Variants in GPM6A observed in about 807,000 individuals in gnomAD.
GPM6A encodes glycoprotein M6A.
In GPM6A, 7 loss-of-function variants were observed where a neutral mutation model predicts 32.1. That is an observed-to-expected ratio of 0.22 (90% confidence interval 0.12 to 0.41). GPM6A has a LOEUF of 0.41. Among genes scored for constraint, GPM6A ranks in the 10% least tolerant of loss-of-function variants. The probability of loss-of-function intolerance (pLI) is 1.00; values close to 1 mark genes in which losing one functional copy is unlikely to be tolerated. For missense variants in GPM6A, 235 were observed against 347.2 expected, an observed-to-expected ratio of 0.68 and a Z score of 2.57; for synonymous variants, 130 against 123.4, an observed-to-expected ratio of 1.05 and a Z score of -0.35.
chr4:175,761,882 C>A (rs113516409), intron 1 of GPM6A, among the ~76,000 whole-genome samples: 50 of 151,888 alleles, frequency 3.3e-4, no homozygotes, highest in Admixed American at 9.8e-4. Context: ...CCAACCTTTG[C>A]CTCCCAGGTT....
rs187203674 is a variant in GPM6A at position 175,768,498 on chromosome 4, G to A, written c.37+43693C>T. 4.3e-4 allele frequency among the ~76,000 whole-genome samples: 66 copies of A among 151,974 alleles called. 1 individual carries two copies. The East Asian group carries it at 0.012, about 28-fold the overall frequency. ...TCTTGGGAGCTTAGGGATTGTTAGA[G>A]CAAACAGAAAAGAGAATAAAAACTA... On this transcript the variant is annotated intron_variant, in intron 1 of 6. Coordinates refer to ENST00000393658, the MANE Select transcript of GPM6A (RefSeq NM_201591.3).
At chr4:175,637,149 TTA>T (rs1401835459) in intron 6 of GPM6A, among the ~76,000 whole-genome samples, 23 of 93,304 alleles carry the variant, frequency 2.5e-4, no homozygotes, top group East Asian at 1.9e-3. Context: ...ATATGATATA[TTA>T]TATGTCACAT....
At chr4:175,959,074 T>C (rs1740082884) in intron 1 of GPM6A, among the ~76,000 whole-genome samples, 1 of 152,160 alleles carries the variant, frequency 6.6e-6, no homozygotes, top group Non-Finnish European at 1.5e-5. Context: ...TAGGTAGGAA[T>C]AGTAGACGGA....
intron 6 of GPM6A, among the ~76,000 whole-genome samples, chr4:175,638,148 G>A (rs1579327074): frequency 6.6e-6 from 1 of 150,500 alleles, no homozygotes; most frequent in African/African-American, 2.4e-5. Context: ...AACAGAATAA[G>A]TTCTTAAGAA....
chr4:175,837,001 T>C (rs970393612), intron 1 of GPM6A, among the ~76,000 whole-genome samples: 1 of 152,110 alleles, frequency 6.6e-6, no homozygotes, highest in Non-Finnish European at 1.5e-5. Context: ...AAGTTGAGGA[T>C]CCTGATATGG....
intron 4 of GPM6A, chr4:175,641,428 G>A (rs1404234117): frequency 6.6e-6 from 1 of 152,446 alleles, no homozygotes; most frequent in Non-Finnish European, 1.5e-5. Context: ...ACTGATAGAT[G>A]GGAATCTATG....
At chr4:175,794,107 G>A (rs1219293095) in intron 1 of GPM6A, among the ~76,000 whole-genome samples, 1 of 152,112 alleles carries the variant, frequency 6.6e-6, no homozygotes, top group Non-Finnish European at 1.5e-5. Flanking sequence ...TACATTGACA[G>A]GCCTAAGAAG....
intron 4 of GPM6A, among the ~76,000 whole-genome samples, chr4:175,645,960 T>G (rs536336741): frequency 6.6e-6 from 1 of 151,810 alleles, no homozygotes; most frequent in African/African-American, 2.4e-5. Flanking sequence ...TCTAGGGGGG[T>G]TTTCTTTATT....
At chr4:175,709,892 T>G (rs1745436202) in intron 1 of GPM6A, among the ~76,000 whole-genome samples, 1 of 152,036 alleles carries the variant, frequency 6.6e-6, no homozygotes, top group African/African-American at 2.4e-5. Context: ...CTGCTAGTCA[T>G]GATATCAGAA....
chr4:175,798,115 T>C (rs189721944), intron 1 of GPM6A, among the ~76,000 whole-genome samples: 2 of 152,342 alleles, frequency 1.3e-5, no homozygotes, highest in African/African-American at 4.8e-5. Flanking sequence ...CTACTCAGAA[T>C]ATGGTACCGC....
At chr4:175,847,228 C>T (rs1429122138) in intron 1 of GPM6A, among the ~76,000 whole-genome samples, 1 of 152,136 alleles carries the variant, frequency 6.6e-6, no homozygotes, top group Non-Finnish European at 1.5e-5. Context: ...TCTACTTGTT[C>T]ACATGCCCAT....
intron 1 of GPM6A, among the ~76,000 whole-genome samples, chr4:175,867,007 A>C (rs1477488782): frequency 6.6e-6 from 1 of 152,168 alleles, no homozygotes; most frequent in African/African-American, 2.4e-5. Flanking sequence ...GATGACATGA[A>C]GTGTAGAGCA....
chr4:175,640,707 T>G (rs747599416), intron 5 of GPM6A, 46 bp downstream of exon 5: 1 of 1,233,398 alleles, frequency 8.1e-7, no homozygotes, highest in Non-Finnish European at 1.2e-6. Flanking sequence ...TAATAAAAAA[T>G]GAATGCTAAA....
rs35653197 is a variant in GPM6A, at chr4:175,936,306, C to CAAAA, written c.-23+65999_-23+66002dup. ...GGGCGACACAGCGAGACTCTGTCTC[C>CAAAA]AAAAAAAAAAAAAAAAAAAAAAAAA... is the stretch of plus-strand genomic sequence containing the variant. On this transcript the variant is annotated intron_variant, in intron 1 of 7. Transcript: ENST00000280187. 4.6e-4 allele frequency among the ~76,000 whole-genome samples: 21 copies of CAAAA among 45,604 alleles called. 1 individual carries two copies. The highest frequency in any genetic ancestry group is 3.5e-3 in the East Asian group (4 of 1,142). The allele number at this position is 45,604 out of a possible 152,430, so 29.9% of individuals were successfully genotyped here.
chr4:175,983,848 G>A (rs2126447063), intron 1 of GPM6A, among the ~76,000 whole-genome samples: 1 of 152,252 alleles, frequency 6.6e-6, no homozygotes, highest in South Asian at 2.1e-4. Flanking sequence ...TGATAGAACT[G>A]CTGCTATTAT....
At chr4:175,779,932 T>C (rs1733550045) in intron 1 of GPM6A, among the ~76,000 whole-genome samples, 1 of 152,058 alleles carries the variant, frequency 6.6e-6, no homozygotes, top group Non-Finnish European at 1.5e-5. Context: ...GTATTCATTT[T>C]GAAAAGGGTA....
chr4:175,900,312 GGAAAGGAAAGGA>G (rs1382832354), intron 1 of GPM6A, among the ~76,000 whole-genome samples: 1 of 4,566 alleles, frequency 2.2e-4, no homozygotes. Context: ...AAGAAGGAAA[GGAAAGGAAAGGA>G]AAGGAAAGGA....
intron 1 of GPM6A, among the ~76,000 whole-genome samples, chr4:175,853,211 T>C (rs971063445): frequency 6.6e-6 from 1 of 152,120 alleles, no homozygotes; most frequent in African/African-American, 2.4e-5. Context: ...AATTTGCTGC[T>C]TCTATCCTTA....
chr4:175,782,950 A>G (rs1334677930), intron 1 of GPM6A, among the ~76,000 whole-genome samples: 1 of 16,648 alleles, frequency 6.0e-5, no homozygotes, highest in East Asian at 1.6e-3. Flanking sequence ...TATCTGTACT[A>G]GAAATCTGAA....
Sources: gnomAD v4.1 joint callset for allele counts (sites outside exome capture counted in the v4.1 genomes callset) on GRCh38, gnomAD v4.1.1 for gene constraint, MANE v1.5 for transcripts, NCBI Gene and HGNC (gene_info 2026-07-23, HGNC 2026-07-21) for gene names.